MID1: variants seen among roughly 807,000 people sequenced by gnomAD.
MID1 encodes the protein E3 ubiquitin-protein ligase Midline-1.
A neutral mutation model predicts 40.4 loss-of-function variants in MID1; 7 were observed. That is an observed-to-expected ratio of 0.17 (90% confidence interval 0.10 to 0.33). MID1 has a LOEUF of 0.33. Ranked by LOEUF, MID1 falls within the 10% of genes least tolerant of loss-of-function variation. The pLI is 1.00. For missense variants in MID1, 367 were observed against 558.5 expected (o/e 0.66, Z 3.46); for synonymous variants, 229 against 221.2 (o/e 1.04, Z -0.31).
chrX:10,656,997 A>G (rs751703156), intron 1 of MID1, among the ~76,000 whole-genome samples: 12 of 110,763 alleles, frequency 1.1e-4, no homozygotes, highest in Non-Finnish European at 2.1e-4. Flanking sequence ...TTTTTTTACC[A>G]GAGAGTTTTC....
At chrX:10,700,341 C>T (rs1484386927) in intron 1 of MID1, among the ~76,000 whole-genome samples, 1 of 110,703 alleles carries the variant, frequency 9.0e-6, no homozygotes. Context: ...CACTTGAGCC[C>T]AGGAGTTCAA....
intron 1 of MID1, among the ~76,000 whole-genome samples, chrX:10,737,394 G>C (rs888800296): frequency 1.8e-5 from 2 of 112,753 alleles, no homozygotes; most frequent in Non-Finnish European, 3.7e-5. Context: ...CCTTCCCTTT[G>C]GATGGATCTT....
chrX:10,659,712 C>T (rs988302648), intron 1 of MID1, among the ~76,000 whole-genome samples: 5 of 111,337 alleles, frequency 4.5e-5, no homozygotes, highest in African/African-American at 9.8e-5. Flanking sequence ...ACTTTCTTAA[C>T]GGGAAAATTG....
intron 4 of MID1, among the ~76,000 whole-genome samples, chrX:10,491,575 A>G (rs1326638240): frequency 1.8e-5 from 2 of 110,928 alleles, no homozygotes; most frequent in Admixed American, 1.9e-4. Flanking sequence ...TAAAGCCTGT[A>G]AGTTTGCCTT....
chrX:10,567,239 C>G lies in MID1; in HGVS notation c.309G>C (p.Glu103Asp). ...GPNSPSETRR[E>D]RAFDANTMTS... Reference sequence around the variant, plus strand: ...TCATGGTGTTGGCGTCAAAGGCCCGCTCCCGACGGGTCTCGCTGGGAGAGT... The same window carrying G: ...TCATGGTGTTGGCGTCAAAGGCCCGGTCCCGACGGGTCTCGCTGGGAGAGT... Residue 103 changes from glutamate to aspartate, a missense_variant, in exon 2 of 10, where the codon GAG (glutamate) becomes GAC (aspartate). Glu to Asp is a conservative substitution (Grantham distance 45). This residue lies in a region of MID1 where 78 missense variants were observed against 112.6 expected (regional missense o/e 0.69). Transcript: ENST00000317552. 1 of 1,209,792 alleles carries G rather than the reference C, an allele frequency of 8.3e-7. No individual in the cohort carries two copies. The highest frequency in any genetic ancestry group is 1.1e-6 in the Non-Finnish European group (1 of 894,067).
At chrX:10,714,453 C>A in intron 1 of MID1, among the ~76,000 whole-genome samples, 1 of 112,230 alleles carries the variant, frequency 8.9e-6, no homozygotes, top group Non-Finnish European at 1.9e-5. Flanking sequence ...CTCACTGTGG[C>A]CTGTGTGCCA....
chrX:10,654,297 C>T (rs2042854285), intron 1 of MID1, among the ~76,000 whole-genome samples: 1 of 112,284 alleles, frequency 8.9e-6, no homozygotes, highest in Non-Finnish European at 1.9e-5. Context: ...AGAACTTTCC[C>T]TCCAAATAGC....
intron 1 of MID1, among the ~76,000 whole-genome samples, chrX:10,644,166 A>G (rs975664164): frequency 7.1e-4 from 80 of 111,952 alleles, no homozygotes; most frequent in Non-Finnish European, 1.4e-3. Context: ...AAAATAATAA[A>G]AAAACAGTAG....
rs917112106 is a variant in MID1, at chrX:10,642,650, T to C, written c.-186-22231A>G. 5.4e-5 allele frequency among the ~76,000 whole-genome samples: 6 copies of C among 110,480 alleles called. 1 individual carries two copies. The highest frequency in any genetic ancestry group is 7.6e-5 in the Non-Finnish European group (4 of 52,923). On this transcript the variant is annotated intron_variant, in intron 1 of 10. Transcript: ENST00000380785. The stretch of plus-strand genomic sequence containing the variant: ...GCTATCAATGACTTTCTTCACAGAA[T>C]TGGAAAAAACTACTTTAAAGTTCAT...
intron 1 of MID1, among the ~76,000 whole-genome samples, chrX:10,722,675 C>T (rs1460422773): frequency 1.8e-5 from 2 of 111,565 alleles, no homozygotes; most frequent in Non-Finnish European, 3.8e-5. Flanking sequence ...GAAGAACTAG[C>T]TCAGGAAATG....
rs757969644 is a variant in MID1 at position 10,758,137 on chromosome X, T to G, written c.-187+75417A>C. On this transcript the variant is annotated intron_variant, in intron 1 of 10. Transcript: ENST00000380785. Reference sequence around the variant, plus strand: ...TGCCAGCATGCCCTGCTTTTTTTTTTTTTTGTTTTGTATTTTTTGTAGAGA... The same window carrying G: ...TGCCAGCATGCCCTGCTTTTTTTTTGTTTTGTTTTGTATTTTTTGTAGAGA... Among the ~76,000 whole-genome samples the G allele has an allele frequency of 1.8e-3, 186 of 104,653 alleles. 1 individual carries two copies. The highest frequency in any genetic ancestry group is 5.9e-3 in the Admixed American group (58 of 9,755). 90.9% of individuals were successfully genotyped at this position (104,653 alleles called of 115,157 possible).
intron 6 of MID1, among the ~76,000 whole-genome samples, chrX:10,472,197 C>A (rs1201125261): frequency 8.9e-6 from 1 of 112,467 alleles, no homozygotes; most frequent in East Asian, 2.8e-4. Flanking sequence ...ATGTCATAAA[C>A]TATTTGGACT....
At chrX:10,533,395 G>GAAAAAGAAAGAAAGA (rs755996525) in intron 2 of MID1, among the ~76,000 whole-genome samples, 5 of 32,952 alleles carry the variant, frequency 1.5e-4, no homozygotes, top group East Asian at 2.3e-3. Context: ...AGAAAGAAAA[G>GAAAAAGAAAGAAAGA]AAAGAAAGAA....
intron 1 of MID1, among the ~76,000 whole-genome samples, chrX:10,782,865 A>G (rs1023093010): frequency 7.2e-5 from 8 of 111,551 alleles, no homozygotes; most frequent in Non-Finnish European, 1.3e-4. Flanking sequence ...CATCAACATC[A>G]CTTGGGAGCT....
intron 1 of MID1, among the ~76,000 whole-genome samples, chrX:10,787,626 A>G (rs1193188048): frequency 2.2e-5 from 2 of 89,947 alleles, no homozygotes; most frequent in African/African-American, 8.3e-5. Flanking sequence ...TATATTGCCC[A>G]GGCTGGTCTC....
At chrX:10,643,080 A>C (rs1936219861) in intron 1 of MID1, among the ~76,000 whole-genome samples, 1 of 111,936 alleles carries the variant, frequency 8.9e-6, no homozygotes, top group Non-Finnish European at 1.9e-5. Context: ...AACCTAGGCA[A>C]TACCATTCAG....
chrX:10,747,191 G>A (rs891720137), intron 1 of MID1, among the ~76,000 whole-genome samples: 2 of 111,874 alleles, frequency 1.8e-5, no homozygotes, highest in African/African-American at 6.5e-5. Context: ...TGTGATGGGG[G>A]AGAGACTAGA....
chrX:10,450,948 T>A (rs1047065226), intron 9 of MID1, among the ~76,000 whole-genome samples: 2 of 112,105 alleles, frequency 1.8e-5, no homozygotes, highest in Non-Finnish European at 3.8e-5. Context: ...TATTAACATA[T>A]GGTACCTTAC....
At chrX:10,479,415 G>A (rs1930196413) in intron 5 of MID1, among the ~76,000 whole-genome samples, 1 of 110,543 alleles carries the variant, frequency 9.0e-6, no homozygotes, top group South Asian at 3.9e-4. Context: ...TCACCCTATT[G>A]TGCTACCAAA....
Sources: gnomAD v4.1 joint callset for allele counts (sites outside exome capture counted in the v4.1 genomes callset) on GRCh38, gnomAD v4.1.1 for gene constraint, gnomAD v4.1.1 regional missense constraint, MANE v1.5 for transcripts, NCBI Gene and HGNC (gene_info 2026-07-23, HGNC 2026-07-21) for gene names.